The following SLC35E3 variants were observed in gnomAD, a reference collection of about 807,000 sequenced individuals.
SLC35E3 encodes solute carrier family 35 member E3.
A neutral mutation model predicts 30.8 loss-of-function variants in SLC35E3; 28 were observed. The observed-to-expected ratio is 0.91, with a 90% CI of 0.67 to 1.25. SLC35E3 has a LOEUF of 1.25. SLC35E3 is among the 50% of genes most tolerant of loss of function. The pLI, the probability that SLC35E3 is intolerant of heterozygous loss-of-function variation, is 0.00. For missense variants in SLC35E3, 365 were observed against 375.4 expected (o/e 0.97, Z 0.23); for synonymous variants, 146 against 149.2 (o/e 0.98, Z 0.16).
Position 68,774,372 on chromosome 12 carries a change from GA to G in SLC35E3, c.*9483del, listed in dbSNP as rs1374690013. ...AGGTGGGTGGATCACCTGAGGTCAG[GA>G]GTTCGAGACCAGCCTGACCAACATG... On this transcript the variant is annotated 3_prime_UTR_variant, in exon 5 of 5. Coordinates refer to ENST00000398004, the MANE Select transcript of SLC35E3 (RefSeq NM_018656.5). 1 of 152,192 alleles carries G rather than the reference GA, an allele frequency of 6.6e-6. No homozygotes were observed. Among genetic ancestry groups the G allele is most frequent in the East Asian group, 1.9e-4 (1 of 5,174 alleles). The allele number at this position is 152,192 out of a possible 1,614,324, so 9.4% of individuals were successfully genotyped here.
Position 68,752,150 on chromosome 12 carries a change from G to C in SLC35E3, c.632G>C (p.Gly211Ala). ...GTGCCCTTCTTTGAGCCAGTGTTTG[G>C]AGAAGGAGGAATATTTGGTCCCTGG... ...VAVPFFEPVF[G>A]EGGIFGPWSV... Residue 211 changes from glycine to alanine, a missense_variant, in exon 3 of 5, where the codon GGA becomes GCA. Gly to Ala is a moderately conservative substitution (Grantham distance 60). Coordinates refer to ENST00000398004, the MANE Select transcript of SLC35E3 (RefSeq NM_018656.5). 1.2e-6 allele frequency: 2 copies of C among 1,613,642 alleles called. No individual in the cohort carries two copies.
intron 4 of SLC35E3, among the ~76,000 whole-genome samples, chr12:68,761,413 T>C (rs1054597658): frequency 6.6e-6 from 1 of 152,124 alleles, no homozygotes; most frequent in Non-Finnish European, 1.5e-5. Context: ...AAATAAATCA[T>C]AGAATCACTC....
chr12:68,756,912 C>T (rs541555869), intron 3 of SLC35E3, among the ~76,000 whole-genome samples: 2 of 152,248 alleles, frequency 1.3e-5, no homozygotes, highest in East Asian at 1.9e-4. Flanking sequence ...CTACTTGGGA[C>T]GCTGAGGCGG....
At position 68,756,828 on chromosome 12, in the gene SLC35E3, G is replaced by A. The variant is rs192342756; in HGVS notation, c.673-2329G>A. On this transcript the variant is annotated intron_variant, in intron 3 of 4. Coordinates refer to ENST00000398004, the MANE Select transcript of SLC35E3 (RefSeq NM_018656.5). ...TAGCCGAGACCATCCTGGCTAACACGGTGAAACCCCGTCTCTACTAAAAAT... is the reference window on the plus strand; with the variant it reads ...TAGCCGAGACCATCCTGGCTAACACAGTGAAACCCCGTCTCTACTAAAAAT... 3.1e-4 allele frequency among the ~76,000 whole-genome samples: 47 copies of A among 152,256 alleles called. No homozygotes were observed. The East Asian group carries it at 7.1e-3, about 23-fold the overall frequency.
In SLC35E3 at chr12:68,780,320, C is replaced by T. The variant is rs1399215692; in HGVS notation, c.*15430C>T. On this transcript the variant is annotated 3_prime_UTR_variant, in exon 5 of 5. Coordinates refer to ENST00000398004, the MANE Select transcript of SLC35E3 (RefSeq NM_018656.5). ...AGTAGCTGGGACTACAGGCATGCAC[C>T]ACCACACCTGGCTAATTTTTTTATA... 1 of 151,950 alleles carries T rather than the reference C, an allele frequency of 6.6e-6. No homozygotes were observed. The highest frequency in any genetic ancestry group is 1.5e-5 in the Non-Finnish European group (1 of 68,076). 9.4% of individuals were successfully genotyped at this position (151,950 alleles called of 1,614,324 possible). A position where few individuals can be genotyped will look rare whatever the true frequency, so the allele number is the denominator to read the frequency against.
At position 68,746,305 on chromosome 12, in the gene SLC35E3, T is replaced by G; in HGVS notation, c.-73T>G. The G allele has an allele frequency of 6.9e-6, 10 of 1,448,612 alleles. No homozygotes were observed. The highest frequency in any genetic ancestry group is 9.2e-6 in the Non-Finnish European group (10 of 1,084,258). The allele number at this position is 1,448,612 out of a possible 1,614,324, so 89.7% of individuals were successfully genotyped here. A position where few individuals can be genotyped will look rare whatever the true frequency, so the allele number is the denominator to read the frequency against. On this transcript the variant is annotated 5_prime_UTR_variant, in exon 1 of 5. Coordinates refer to ENST00000398004, the MANE Select transcript of SLC35E3 (RefSeq NM_018656.5). ...GTCGGCGTCTGCGAGGACGCGGCGG[T>G]GGAGTAGAAGGGCAGCCGGAGACAG...
At position 68,764,933 on chromosome 12, in the gene SLC35E3, A is replaced by C; in HGVS notation, c.*43A>C. 1 of 1,588,602 alleles carries C rather than the reference A, an allele frequency of 6.3e-7. No homozygotes were observed. The highest frequency in any genetic ancestry group is 1.1e-5 in the South Asian group (1 of 88,060). ...AAAGAATGTTGTCCCAAGAAGATAA[A>C]AAATATTGTTAAGTGTGCAAGTTAT... is the stretch of plus-strand genomic sequence containing the variant. On this transcript the variant is annotated 3_prime_UTR_variant, in exon 5 of 5. Coordinates refer to ENST00000398004, the MANE Select transcript of SLC35E3 (RefSeq NM_018656.5).
Position 68,746,425 on chromosome 12 carries a change from C to T in SLC35E3, c.48C>T (p.Ala16=), listed in dbSNP as rs747798560. Reference sequence around the variant, plus strand: ...TGCGGGGCCACTGGCGAATCGCCGCCGGGCTCCTGTTCAACCTGCTGGTGT... The same window carrying T: ...TGCGGGGCCACTGGCGAATCGCCGCTGGGCTCCTGTTCAACCTGCTGGTGT... ...DRVRGHWRIA[A]GLLFNLLVSI... is the part of the protein sequence containing the mutation. The change falls in exon 1 of 5, where the codon GCC becomes GCT. Residue 16 remains alanine (A), a synonymous_variant. Transcript: ENST00000398004. 1.2e-6 allele frequency: 2 copies of T among 1,611,632 alleles called. No individual in the cohort carries two copies. Among genetic ancestry groups the T allele is most frequent in the South Asian group, 2.2e-5 (2 of 90,828 alleles).
chr12:68,764,895 G>T lies in SLC35E3; in HGVS notation c.*5G>T, dbSNP rs373702639. 4 of 1,609,500 alleles carry T rather than the reference G, an allele frequency of 2.5e-6. No homozygotes were observed. The African/African-American group carries it at 5.4e-5, about 22-fold the overall frequency. ...AAACTGGCACAACGTCCTTAATTGGGTTTTTGTGGAGAAAAGAATGTTGTC... is the reference window on the plus strand; with the variant it reads ...AAACTGGCACAACGTCCTTAATTGGTTTTTTGTGGAGAAAAGAATGTTGTC... On this transcript the variant is annotated 3_prime_UTR_variant, in exon 5 of 5. Transcript: ENST00000398004.
In SLC35E3 at chr12:68,766,916, A is replaced by G. The variant is rs922199090; in HGVS notation, c.*2026A>G. The G allele has an allele frequency of 3.6e-5, 12 of 335,818 alleles. No individual in the cohort carries two copies. Among genetic ancestry groups the G allele is most frequent in the East Asian group, 1.0e-4 (1 of 9,572 alleles). 20.8% of individuals were successfully genotyped at this position (335,818 alleles called of 1,614,324 possible). On this transcript the variant is annotated 3_prime_UTR_variant, in exon 5 of 5. Coordinates refer to ENST00000398004, the MANE Select transcript of SLC35E3 (RefSeq NM_018656.5). The stretch of plus-strand genomic sequence containing the variant: ...TTCTTAATCCTACCTCCCTGCTTCT[A>G]TTGCCTAGCCCGTACATTTGAGGCT...
At chr12:68,748,595 G>T (rs762401064) in intron 2 of SLC35E3, among the ~76,000 whole-genome samples, 1 of 151,900 alleles carries the variant, frequency 6.6e-6, no homozygotes, top group Non-Finnish European at 1.5e-5. Flanking sequence ...TTGTGCAAGC[G>T]CAGTGCCTTG....
At position 68,752,240 on chromosome 12, in the gene SLC35E3, T is replaced by C; in HGVS notation, c.672+50T>C. On this transcript the variant is annotated intron_variant, in intron 3 of 4. Coordinates refer to ENST00000398004, the MANE Select transcript of SLC35E3 (RefSeq NM_018656.5). ...TAAGAAACAGTATAATAATAACTCC[T>C]CCATTATTAATGTAATTTTTAGTTT... 2.0e-6 allele frequency: 3 copies of C among 1,464,596 alleles called. No homozygotes were observed. In the South Asian group the frequency reaches 4.1e-5, roughly 20 times the overall value. 90.7% of individuals were successfully genotyped at this position (1,464,596 alleles called of 1,614,324 possible). A position where few individuals can be genotyped will look rare whatever the true frequency, so the allele number is the denominator to read the frequency against.
At chr12:68,754,874 G>A (rs1020969535) in intron 3 of SLC35E3, among the ~76,000 whole-genome samples, 2 of 152,148 alleles carry the variant, frequency 1.3e-5, no homozygotes, top group Admixed American at 6.5e-5. Flanking sequence ...GGACTAATGC[G>A]TTGGGGACAT....
At position 68,772,650 on chromosome 12, in the gene SLC35E3, C is replaced by T. The variant is rs1879633123; in HGVS notation, c.*7760C>T. 2 of 152,132 alleles carry T rather than the reference C, an allele frequency of 1.3e-5. No individual in the cohort carries two copies. Among genetic ancestry groups the T allele is most frequent in the Non-Finnish European group, 2.9e-5 (2 of 68,026 alleles). The allele number at this position is 152,132 out of a possible 1,614,324, so 9.4% of individuals were successfully genotyped here. On this transcript the variant is annotated 3_prime_UTR_variant, in exon 5 of 5. Transcript: ENST00000398004. ...TTTTTCCATTTAACTAAAAATGTCT[C>T]GTAACTACTATGCCACAAGAACAAG...
Position 68,748,098 on chromosome 12 carries a change from T to G in SLC35E3, c.513+58T>G. ...TAGCAGATTTCATAAATTTTGAAGC[T>G]GTATTCCAAGGTTTAGAAAATACAG... On this transcript the variant is annotated intron_variant, in intron 2 of 4. Coordinates refer to ENST00000398004, the MANE Select transcript of SLC35E3 (RefSeq NM_018656.5). 3 of 994,448 alleles carry G rather than the reference T, an allele frequency of 3.0e-6. No homozygotes were observed. In the Admixed American group the frequency reaches 5.4e-5, roughly 18 times the overall value. 61.6% of individuals were successfully genotyped at this position (994,448 alleles called of 1,614,324 possible).
intron 2 of SLC35E3, among the ~76,000 whole-genome samples, chr12:68,748,905 A>G (rs576347422): frequency 4.6e-5 from 7 of 152,360 alleles, no homozygotes; most frequent in African/African-American, 1.7e-4. Context: ...GAGCCCTGGC[A>G]TCTTAAACAT....
chr12:68,759,077 A>G, intron 3 of SLC35E3, 80 bp from the exon 4 acceptor site: 1 of 1,075,288 alleles, frequency 9.3e-7, no homozygotes, highest in South Asian at 1.3e-5. Context: ...AATTTTTTAA[A>G]ATGCCGAATG....
At chr12:68,758,975 C>T (rs573780196) in intron 3 of SLC35E3, among the ~76,000 whole-genome samples, 182 bp from the exon 4 acceptor site, 6 of 152,132 alleles carry the variant, frequency 3.9e-5, no homozygotes, top group East Asian at 3.9e-4. Flanking sequence ...GTGATCCGCC[C>T]GCCTTGGCCT....
At position 68,753,836 on chromosome 12, in the gene SLC35E3, C is replaced by CACACACA. The variant is rs553993443; in HGVS notation, c.672+1646_672+1647insACACACA. On this transcript the variant is annotated intron_variant, in intron 3 of 4. Transcript: ENST00000398004. ...CACACACACACACACACACACACAC[C>CACACACA]CCAATTAAACATCTATTTCTTTTCT... Among the ~76,000 whole-genome samples, 4 of 67,948 alleles carry CACACACA rather than the reference C, an allele frequency of 5.9e-5. No homozygotes were observed. In the East Asian group the frequency reaches 1.8e-3, roughly 31 times the overall value. 44.6% of individuals were successfully genotyped at this position (67,948 alleles called of 152,430 possible). A position where few individuals can be genotyped will look rare whatever the true frequency, so the allele number is the denominator to read the frequency against.
Sources: allele counts gnomAD v4.1 joint callset (sites outside exome capture counted in the v4.1 genomes callset), GRCh38; gene constraint gnomAD v4.1.1; transcripts MANE v1.5; gene names NCBI Gene and HGNC (gene_info 2026-07-23, HGNC 2026-07-21).